The following TTC28 variants were observed in gnomAD, a reference collection of about 807,000 sequenced individuals.
The protein encoded by TTC28 is tetratricopeptide repeat domain 28.
A neutral mutation model predicts 198.0 loss-of-function variants in TTC28; 61 were observed. That is an observed-to-expected ratio of 0.31 (90% CI 0.25 to 0.38). The LOEUF is 0.38. Among genes scored for constraint, TTC28 ranks in the 10% least tolerant of loss-of-function variants. The pLI is 1.00. For synonymous variants in TTC28, 1,171 were observed against 1,297.8 expected (o/e 0.90, Z 2.10); for missense variants, 2,678 against 3,164.0 (o/e 0.85, Z 3.69).
intron 2 of TTC28, among the ~76,000 whole-genome samples, chr22:28,434,666 T>G (rs2047490605): frequency 6.6e-6 from 1 of 152,208 alleles, no homozygotes; most frequent in South Asian, 2.1e-4. Context: ...TACTTATGCC[T>G]GAAAATCTCT....
At chr22:28,554,331 C>A (rs1245578273) in intron 2 of TTC28, among the ~76,000 whole-genome samples, 1 of 149,160 alleles carries the variant, frequency 6.7e-6, no homozygotes, top group African/African-American at 2.5e-5. Context: ...TATGACCCTG[C>A]CAAATCCCCC....
At chr22:28,086,503 C>T (rs1237690245) in intron 12 of TTC28, among the ~76,000 whole-genome samples, 3 of 152,204 alleles carry the variant, frequency 2.0e-5, no homozygotes, top group South Asian at 4.2e-4. Context: ...CTCTGGGACA[C>T]GTTCAAAGCA....
At chr22:28,359,225 C>A (rs563258812) in intron 2 of TTC28, among the ~76,000 whole-genome samples, 29 of 152,298 alleles carry the variant, frequency 1.9e-4, no homozygotes, top group African/African-American at 6.3e-4. Context: ...GTACAAAAAA[C>A]TGTTTAAGAA....
intron 5 of TTC28, among the ~76,000 whole-genome samples, chr22:28,254,937 A>T (rs1438399586): frequency 1.3e-5 from 2 of 152,346 alleles, no homozygotes; most frequent in African/African-American, 4.8e-5. Flanking sequence ...TGCCTTCTGT[A>T]TAGGAACACT....
rs567683354 is a variant in TTC28, at chr22:28,661,722, C to T, written c.102+17900G>A. On this transcript the variant is annotated intron_variant, in intron 1 of 22. Transcript: ENST00000397906. ...CTCCCAGGTTCAAGCAATTATCCTACCTCAGCTTCCCAAGTAGCTGGGATT... is the reference window on the plus strand; with the variant it reads ...CTCCCAGGTTCAAGCAATTATCCTATCTCAGCTTCCCAAGTAGCTGGGATT... Among the ~76,000 whole-genome samples, 10 of 152,030 alleles carry T rather than the reference C, an allele frequency of 6.6e-5. No individual in the cohort carries two copies. In the South Asian group the frequency reaches 1.9e-3, roughly 28 times the overall value.
At chr22:28,630,447 G>A (rs1330294894) in intron 1 of TTC28, among the ~76,000 whole-genome samples, 1 of 152,082 alleles carries the variant, frequency 6.6e-6, no homozygotes, top group African/African-American at 2.4e-5. Context: ...AGAGGCACAT[G>A]CCACGGCATG....
chr22:28,491,008 G>C (rs1425461684), intron 2 of TTC28, among the ~76,000 whole-genome samples: 3 of 152,118 alleles, frequency 2.0e-5, no homozygotes, highest in Non-Finnish European at 2.9e-5. Context: ...CAAGAAGTTT[G>C]TTTATTTGAG....
intron 12 of TTC28, among the ~76,000 whole-genome samples, chr22:28,063,735 G>C (rs887548792): frequency 1.3e-5 from 2 of 151,960 alleles, no homozygotes; most frequent in Admixed American, 6.6e-5. Context: ...CCATCCACAC[G>C]CATAACACAG....
chr22:28,289,369 T>A (rs1310804269), intron 5 of TTC28, among the ~76,000 whole-genome samples: 1 of 152,200 alleles, frequency 6.6e-6, no homozygotes, highest in Non-Finnish European at 1.5e-5. Flanking sequence ...TCTCTAATCC[T>A]ATGTAATTTA....
At position 28,507,363 on chromosome 22, in the gene TTC28, A is replaced by C. The variant is rs7287026; in HGVS notation, c.381+122189T>G. The stretch of plus-strand genomic sequence containing the variant: ...TAAGACAGGCAGACAAGAACAGAGA[A>C]AAAAGAATAAAAAGGAACAAAACCT... On this transcript the variant is annotated intron_variant, in intron 2 of 22. Transcript: ENST00000397906. Among the ~76,000 whole-genome samples, 1,190 of 152,330 alleles carry C rather than the reference A, an allele frequency of 7.8e-3. 23 individuals are homozygous for C. The highest frequency in any genetic ancestry group is 0.026 in the African/African-American group (1,101 of 41,566).
intron 5 of TTC28, among the ~76,000 whole-genome samples, chr22:28,285,088 T>C (rs918858735): frequency 4.6e-5 from 7 of 152,224 alleles, no homozygotes; most frequent in African/African-American, 1.7e-4. Context: ...GGAAACAACC[T>C]AAGTGTCAGA....
intron 2 of TTC28, among the ~76,000 whole-genome samples, chr22:28,349,505 C>A (rs149630596): frequency 6.6e-6 from 1 of 152,242 alleles, no homozygotes; most frequent in Non-Finnish European, 1.5e-5. Flanking sequence ...GCAGAGAAAG[C>A]AAAGAGCAAA....
intron 2 of TTC28, among the ~76,000 whole-genome samples, chr22:28,552,309 G>A (rs1392338233): frequency 1.3e-5 from 2 of 151,966 alleles, no homozygotes; most frequent in Non-Finnish European, 2.9e-5. Flanking sequence ...ATCTTGCCAA[G>A]AGCAATCTAC....
Position 27,982,533 on chromosome 22 carries a change from G to C in TTC28, c.7134C>G (p.Phe2378Leu). ...AAGTCATCGTGCCAGGAGCCCCCCG[G>C]AAGATCTTCATTGGCCCTGTGGAAT... ...PQHSTGPMKI[F>L]RGAPGTMTSK... The change falls in exon 23 of 23, where the codon TTC becomes TTG. Residue 2378 changes from phenylalanine to leucine, a missense_variant. Phe to Leu is a conservative substitution (Grantham distance 22). Transcript: ENST00000397906. The surrounding 1 kb of genome is among the most constrained non-coding windows in gnomAD (Gnocchi z 5.2). 6.4e-7 allele frequency: 1 copy of C among 1,551,746 alleles called. No homozygotes were observed. The highest frequency in any genetic ancestry group is 8.7e-7 in the Non-Finnish European group (1 of 1,147,016).
chr22:28,646,082 C>T (rs2051461263), intron 1 of TTC28, among the ~76,000 whole-genome samples: 1 of 151,892 alleles, frequency 6.6e-6, no homozygotes, highest in South Asian at 2.1e-4. Context: ...AACACTCAGG[C>T]CAGAGAAAAA....
intron 2 of TTC28, among the ~76,000 whole-genome samples, chr22:28,549,184 C>T (rs9625498): frequency 0.14 from 20,711 of 151,888 alleles, 1,660 homozygotes; most frequent in African/African-American, 0.2. Context: ...CCCACCATCA[C>T]ACCCAGCTAA....
intron 2 of TTC28, among the ~76,000 whole-genome samples, chr22:28,559,112 G>T (rs1258845861): frequency 2.6e-5 from 4 of 152,038 alleles, no homozygotes; most frequent in Non-Finnish European, 4.4e-5. Flanking sequence ...TATGTAGAGG[G>T]CCTGCTCAAA....
intron 16 of TTC28, 173 bp downstream of exon 16, chr22:27,998,367 A>C (rs1937587879): frequency 1.8e-6 from 2 of 1,137,542 alleles, no homozygotes; most frequent in Admixed American, 2.9e-5. Context: ...TAATAGTAGG[A>C]AAAACTCATT....
chr22:27,983,305 G>T lies in TTC28; in HGVS notation c.6362C>A (p.Pro2121His). ...TGCTAGTTTTCCCACCTTTTGGAAGGGTGAGTTGGGGCTGGGAATCAGAGT... is the reference window on the plus strand; with the variant it reads ...TGCTAGTTTTCCCACCTTTTGGAAGTGTGAGTTGGGGCTGGGAATCAGAGT... ...KMTLIPSPNSPFQKVGKLASS... is the reference protein window; with the variant it reads ...KMTLIPSPNSHFQKVGKLASS... Residue 2121 changes from proline to histidine, a missense_variant, in exon 23 of 23, where the codon CCC (proline) becomes CAC (histidine). Transcript: ENST00000397906. 1 of 1,552,066 alleles carries T rather than the reference G, an allele frequency of 6.4e-7. No individual in the cohort carries two copies. The highest frequency in any genetic ancestry group is 8.7e-7 in the Non-Finnish European group (1 of 1,147,102).
Sources: gnomAD v4.1 joint callset for allele counts (sites outside exome capture counted in the v4.1 genomes callset) on GRCh38, gnomAD v4.1.1 for gene constraint, Gnocchi (gnomAD v3.1) non-coding constraint, MANE v1.5 for transcripts, NCBI Gene and HGNC (gene_info 2026-07-23, HGNC 2026-07-21) for gene names.